Variants in ENPP3 observed in about 807,000 individuals in gnomAD.
The protein encoded by ENPP3 is ectonucleotide pyrophosphatase/phosphodiesterase family member 3.
In ENPP3, 104 loss-of-function variants were observed where a neutral mutation model predicts 117.8. The observed-to-expected ratio is 0.88, with a 90% CI of 0.75 to 1.04. The LOEUF is 1.04. Among genes scored for constraint, ENPP3 ranks in the 50% least tolerant of loss-of-function variants. ENPP3 has a pLI of 0.00. For synonymous variants in ENPP3, 380 were observed against 349.9 expected (o/e 1.09, Z -0.96); for missense variants, 1,026 against 1,051.9 (o/e 0.98, Z 0.34).
chr6:131,660,647 G>A (rs1299526402), intron 6 of ENPP3, among the ~76,000 whole-genome samples: 2 of 152,190 alleles, frequency 1.3e-5, no homozygotes, highest in African/African-American at 4.8e-5. Flanking sequence ...AGAGATTAGA[G>A]TTTGCAAGGT....
chr6:131,731,187 T>C (rs2114554149), intron 20 of ENPP3, among the ~76,000 whole-genome samples: 1 of 152,342 alleles, frequency 6.6e-6, no homozygotes, highest in Admixed American at 6.5e-5. Context: ...AGTTTTCTTC[T>C]GGCTTCTGCA....
In ENPP3 at chr6:131,719,005, A is replaced by G. The variant is rs376403363; in HGVS notation, c.1479+267A>G. Among the ~76,000 whole-genome samples the G allele has an allele frequency of 1.4e-4, 21 of 152,278 alleles. No homozygotes were observed. The East Asian group carries it at 1.7e-3, about 13-fold the overall frequency. On this transcript the variant is annotated intron_variant, in intron 16 of 24. Transcript: ENST00000357639. ...GCCCTCACGAAGCTTTTATTCTAAG[A>G]GGGGGATACAGACAGTAGGAATAAT...
intron 6 of ENPP3, among the ~76,000 whole-genome samples, chr6:131,659,575 A>AGG (rs1778456085): frequency 6.6e-6 from 1 of 152,116 alleles, no homozygotes; most frequent in Non-Finnish European, 1.5e-5. Context: ...CTCATTTGTA[A>AGG]AATGAAATGA....
chr6:131,724,426 G>A (rs1324146342), intron 19 of ENPP3, among the ~76,000 whole-genome samples: 2 of 152,176 alleles, frequency 1.3e-5, no homozygotes, highest in Middle Eastern at 3.4e-3. Flanking sequence ...GTGAGCTGGG[G>A]CAAATCACTT....
At chr6:131,696,356 C>T (rs1779405210) in intron 15 of ENPP3, among the ~76,000 whole-genome samples, 1 of 152,200 alleles carries the variant, frequency 6.6e-6, no homozygotes, top group African/African-American at 2.4e-5. Context: ...GATGGGATAA[C>T]TATTGCACTA....
At chr6:131,660,820 C>A (rs1187603841) in intron 6 of ENPP3, among the ~76,000 whole-genome samples, 1 of 152,152 alleles carries the variant, frequency 6.6e-6, no homozygotes, top group Non-Finnish European at 1.5e-5. Flanking sequence ...TGTTGTACAG[C>A]AGATCCCTAG....
At chr6:131,734,180 A>AAAAT (rs1562480956) in intron 21 of ENPP3, among the ~76,000 whole-genome samples, 9 of 152,042 alleles carry the variant, frequency 5.9e-5, no homozygotes, top group South Asian at 2.1e-4. Context: ...TAAAATAAAA[A>AAAAT]AAGAAATCAG....
intron 15 of ENPP3, among the ~76,000 whole-genome samples, chr6:131,718,055 T>C (rs1779936112): frequency 6.6e-6 from 1 of 152,220 alleles, no homozygotes; most frequent in African/African-American, 2.4e-5. Context: ...GTTTCCACAA[T>C]GATAAACTTG....
intron 6 of ENPP3, among the ~76,000 whole-genome samples, chr6:131,665,991 T>C (rs1331209736): frequency 6.6e-6 from 1 of 152,186 alleles, no homozygotes; most frequent in Non-Finnish European, 1.5e-5. Flanking sequence ...GTTACATAAT[T>C]TCTACATTAT....
At chr6:131,738,944 C>G (rs1780463087) in intron 23 of ENPP3, among the ~76,000 whole-genome samples, 1 of 152,162 alleles carries the variant, frequency 6.6e-6, no homozygotes. Flanking sequence ...TGAATGAATA[C>G]TGAATCAATA....
intron 11 of ENPP3, among the ~76,000 whole-genome samples, chr6:131,679,112 T>C (rs1778966335): frequency 6.7e-6 from 1 of 148,720 alleles, no homozygotes; most frequent in Admixed American, 6.9e-5. Context: ...TTTCCTTTTT[T>C]GAGATGGAGT....
At chr6:131,656,418 A>T (rs969715723) in intron 5 of ENPP3, among the ~76,000 whole-genome samples, 1 of 152,206 alleles carries the variant, frequency 6.6e-6, no homozygotes, top group African/African-American at 2.4e-5. Flanking sequence ...AAAGTACTGT[A>T]TAAGTTAATA....
At chr6:131,674,075 A>G (rs988492456) in intron 7 of ENPP3, 87 bp from the exon 8 acceptor site, 8 of 770,472 alleles carry the variant, frequency 1.0e-5, no homozygotes, top group East Asian at 2.7e-5. Flanking sequence ...TTTCTTAGGT[A>G]TGAGTAATAG....
chr6:131,650,263 A>G, intron 3 of ENPP3, 114 bp downstream of exon 3: 3 of 1,146,332 alleles, frequency 2.6e-6, no homozygotes, highest in Non-Finnish European at 3.8e-6. Context: ...TCTGTTGCCT[A>G]GGCTGGAGTG....
At chr6:131,696,769 C>CTTT (rs71710247) in intron 15 of ENPP3, among the ~76,000 whole-genome samples, 6 of 133,040 alleles carry the variant, frequency 4.5e-5, no homozygotes, top group African/African-American at 1.2e-4. Context: ...CCCAGAGCAC[C>CTTT]TTTTTTTTTT....
chr6:131,658,679 G>A (rs777318753), intron 6 of ENPP3, among the ~76,000 whole-genome samples: 3 of 152,170 alleles, frequency 2.0e-5, no homozygotes, highest in Non-Finnish European at 4.4e-5. Flanking sequence ...TGTAACTTCT[G>A]TCCTATGGAA....
At chr6:131,660,675 A>G (rs1778479917) in intron 6 of ENPP3, among the ~76,000 whole-genome samples, 1 of 152,222 alleles carries the variant, frequency 6.6e-6, no homozygotes, top group Admixed American at 6.5e-5. Flanking sequence ...CATGAACAGC[A>G]GAGCTCTTAT....
intron 15 of ENPP3, chr6:131,709,993 A>G (rs1397667498): frequency 6.2e-7 from 1 of 1,603,010 alleles, no homozygotes; most frequent in African/African-American, 1.3e-5. Flanking sequence ...CACTTCAGAT[A>G]ACTGAATAAT....
At chr6:131,678,619 T>C (rs1778923408) in intron 11 of ENPP3, among the ~76,000 whole-genome samples, 1 of 152,200 alleles carries the variant, frequency 6.6e-6, no homozygotes. Flanking sequence ...CCCCACCCCA[T>C]GGAAACTCGT....
Sources: gnomAD v4.1 joint callset for allele counts (sites outside exome capture counted in the v4.1 genomes callset) on GRCh38, gnomAD v4.1.1 for gene constraint, MANE v1.5 for transcripts, NCBI Gene and HGNC (gene_info 2026-07-23, HGNC 2026-07-21) for gene names.